Variants in RIMS2 observed in about 807,000 individuals in gnomAD.
RIMS2 encodes the protein regulating synaptic membrane exocytosis 2.
Under a neutral mutation model 174.4 loss-of-function variants are expected in RIMS2, and 59 were observed. The observed-to-expected ratio is 0.34, with a 90% confidence interval of 0.27 to 0.42. The LOEUF (loss-of-function observed/expected upper bound fraction) is 0.42. RIMS2 is among the 10% of genes least tolerant of loss of function. RIMS2 has a pLI of 1.00. For synonymous variants in RIMS2, 606 were observed against 572.5 expected (o/e 1.06, Z -0.84); for missense variants, 1,620 against 1,666.3 (o/e 0.97, Z 0.48).
At chr8:104,158,729 A>G (rs1362083517) in intron 19 of RIMS2, among the ~76,000 whole-genome samples, 8 of 151,930 alleles carry the variant, frequency 5.3e-5, no homozygotes, top group Admixed American at 5.2e-4. Context: ...TCCTTTGCCC[A>G]CTTTCTGATG....
At chr8:103,549,228 G>A (rs758491941) in intron 1 of RIMS2, among the ~76,000 whole-genome samples, 2 of 152,036 alleles carry the variant, frequency 1.3e-5, no homozygotes, top group Admixed American at 6.6e-5. Flanking sequence ...GAGAATGGTC[G>A]GGTTACCCAC....
intron 3 of RIMS2, among the ~76,000 whole-genome samples, chr8:103,871,198 C>T (rs2154513378): frequency 6.6e-6 from 1 of 152,280 alleles, no homozygotes; most frequent in Non-Finnish European, 1.5e-5. Context: ...CACCTGAGGT[C>T]AAGAGTTCAA....
At chr8:103,625,474 T>C (rs1307139244) in intron 1 of RIMS2, among the ~76,000 whole-genome samples, 1 of 152,202 alleles carries the variant, frequency 6.6e-6, no homozygotes, top group Non-Finnish European at 1.5e-5. Context: ...AAATCAAGGA[T>C]AGGATTCTTT....
At chr8:103,957,133 C>T (rs1017717981) in intron 14 of RIMS2, among the ~76,000 whole-genome samples, 2 of 152,142 alleles carry the variant, frequency 1.3e-5, no homozygotes, top group Admixed American at 6.6e-5. Flanking sequence ...GAAATAGGAA[C>T]GCTTTTACAC....
intron 19 of RIMS2, among the ~76,000 whole-genome samples, chr8:104,234,404 A>AC (rs1428224232): frequency 2.0e-5 from 3 of 152,090 alleles, no homozygotes; most frequent in African/African-American, 7.2e-5. Context: ...ATGATCAAGT[A>AC]CAGATCTGAA....
chr8:104,233,951 G>A (rs551184594), intron 19 of RIMS2, among the ~76,000 whole-genome samples: 3 of 152,270 alleles, frequency 2.0e-5, no homozygotes, highest in South Asian at 4.1e-4. Flanking sequence ...GGGTGGGAAG[G>A]CCACCCCTTA....
chr8:103,543,086 A>G (rs1563710302), intron 1 of RIMS2, among the ~76,000 whole-genome samples: 1 of 152,164 alleles, frequency 6.6e-6, no homozygotes, highest in Non-Finnish European at 1.5e-5. Flanking sequence ...AATTGTCTGT[A>G]TTTGCAAATA....
chr8:104,166,815 A>G (rs141207696), intron 19 of RIMS2, among the ~76,000 whole-genome samples: 3,475 of 152,148 alleles, frequency 0.023, 129 homozygotes, highest in African/African-American at 0.079. Flanking sequence ...AGTCCATTAT[A>G]TCATTCTTAT....
intron 3 of RIMS2, chr8:103,819,504 G>A: frequency 1.2e-6 from 2 of 1,611,636 alleles, no homozygotes; most frequent in East Asian, 2.2e-5. Flanking sequence ...AAAAAAGAAA[G>A]AAAATGCAAT....
At position 104,106,545 on chromosome 8, in the gene RIMS2, A is replaced by G. The variant is rs546547746; in HGVS notation, c.3334+91930A>G. ...TTAACTTGTCTGCTATAGGGATAAA[A>G]TGCATTTCTATGCTCTTTTCACATT... On this transcript the variant is annotated intron_variant, in intron 19 of 23. Transcript: ENST00000504942. 7.2e-5 allele frequency among the ~76,000 whole-genome samples: 11 copies of G among 152,300 alleles called. No homozygotes were observed. In the South Asian group the frequency reaches 1.7e-3, roughly 23 times the overall value.
At chr8:103,812,340 T>TG (rs2098693273) in intron 3 of RIMS2, among the ~76,000 whole-genome samples, 1 of 146,716 alleles carries the variant, frequency 6.8e-6, no homozygotes, top group African/African-American at 2.5e-5. Flanking sequence ...TGTTTTTTTT[T>TG]TTTTTTTTTT....
At chr8:103,500,691 G>T, upstream of RIMS2, 1 of 532,178 alleles carries the variant, frequency 1.9e-6, no homozygotes, top group Admixed American at 3.5e-5. Flanking sequence ...GCACTCCTCA[G>T]CCCTCCTTCC....
intron 2 of RIMS2, among the ~76,000 whole-genome samples, chr8:103,723,432 G>C (rs944492477): frequency 6.6e-6 from 1 of 152,242 alleles, no homozygotes; most frequent in Non-Finnish European, 1.5e-5. Context: ...GGGCAGGCTT[G>C]CTGCTGGAGT....
intron 1 of RIMS2, among the ~76,000 whole-genome samples, chr8:103,518,019 G>C (rs1829852906): frequency 6.6e-6 from 1 of 151,922 alleles, no homozygotes; most frequent in East Asian, 1.9e-4. Flanking sequence ...GGGTTGGACA[G>C]GCTCAATCTA....
At chr8:103,625,838 T>C (rs2095767566) in intron 1 of RIMS2, among the ~76,000 whole-genome samples, 1 of 152,010 alleles carries the variant, frequency 6.6e-6, no homozygotes, top group African/African-American at 2.4e-5. Flanking sequence ...GATAGTTGTA[T>C]ACATACATGA....
chr8:103,633,462 A>T (rs1020192651), intron 1 of RIMS2, among the ~76,000 whole-genome samples: 1 of 151,974 alleles, frequency 6.6e-6, no homozygotes. Flanking sequence ...GCTGATTTTT[A>T]TATCATGTTC....
At chr8:104,106,264 A>G (rs1336884948) in intron 19 of RIMS2, among the ~76,000 whole-genome samples, 1 of 150,924 alleles carries the variant, frequency 6.6e-6, no homozygotes, top group Non-Finnish European at 1.5e-5. Context: ...AAGTTTTAAG[A>G]GACTTTTACA....
chr8:103,750,864 A>T (rs527973605), intron 2 of RIMS2, among the ~76,000 whole-genome samples: 2 of 152,174 alleles, frequency 1.3e-5, no homozygotes, highest in South Asian at 4.2e-4. Context: ...TTACCCAGCG[A>T]TATGCTTTGG....
intron 19 of RIMS2, among the ~76,000 whole-genome samples, chr8:104,188,430 G>T (rs1486343366): frequency 2.0e-5 from 3 of 151,498 alleles, no homozygotes; most frequent in Non-Finnish European, 4.4e-5. Context: ...AATTCAAAAA[G>T]AGTATAATAA....
Sources: allele counts gnomAD v4.1 joint callset (sites outside exome capture counted in the v4.1 genomes callset), GRCh38; gene constraint gnomAD v4.1.1; transcripts MANE v1.5; gene names NCBI Gene and HGNC (gene_info 2026-07-23, HGNC 2026-07-21).